Variants in LINGO2 observed in about 807,000 individuals in gnomAD.
The protein encoded by LINGO2 is leucine rich repeat and Ig domain containing 2, also known as leucine-rich repeat and immunoglobulin-like domain-containing nogo receptor-interacting protein 2.
A neutral mutation model predicts 30.6 loss-of-function variants in LINGO2; 14 were observed. The ratio of observed to expected loss-of-function variants is 0.46; its 90% CI spans 0.30 to 0.72. The LOEUF is 0.72. Among genes scored for constraint, LINGO2 ranks in the 30% least tolerant of loss-of-function variants. The probability of loss-of-function intolerance (pLI) is 0.07; values close to 1 mark genes in which losing one functional copy is unlikely to be tolerated. For missense variants in LINGO2, 729 were observed against 751.7 expected (o/e 0.97, Z 0.35); for synonymous variants, 317 against 288.5 (o/e 1.10, Z -1.00).
the LINGO2 span, among the ~76,000 whole-genome samples, chr9:29,149,730 G>A: frequency 6.6e-6 from 1 of 152,270 alleles, no homozygotes; most frequent in East Asian, 1.9e-4. Flanking sequence ...GACCTCTCCA[G>A]TGTACGTGGA....
intron 3 of LINGO2, among the ~76,000 whole-genome samples, chr9:28,307,176 C>G (rs1824401227): frequency 6.6e-6 from 1 of 152,052 alleles, no homozygotes; most frequent in Admixed American, 6.6e-5. Context: ...TGCAAAAATC[C>G]TCAATAAAAT....
chr9:28,134,491 A>C (rs944837158), intron 4 of LINGO2, among the ~76,000 whole-genome samples: 15 of 152,250 alleles, frequency 9.9e-5, no homozygotes, highest in African/African-American at 3.4e-4. Context: ...TAGTGCTACC[A>C]AGTGCCACTA....
At chr9:28,080,568 T>C (rs1195736202) in intron 4 of LINGO2, 2 of 152,198 alleles carry the variant, frequency 1.3e-5, no homozygotes, top group Non-Finnish European at 2.9e-5. Flanking sequence ...GCACATCCTA[T>C]TTGAATGACA....
chr9:28,567,835 AGCT>A lies in LINGO2; in HGVS notation c.-364-91813_-364-91811del, dbSNP rs377344004. On this transcript the variant is annotated intron_variant, in intron 1 of 5. Coordinates refer to ENST00000379992, the Ensembl canonical transcript of LINGO2. ...TAAATAAATAAATAAATTTATAAGG[AGCT>A]GTTAAATACTTCTAGATTCAAAGCA... Among the ~76,000 whole-genome samples the A allele has an allele frequency of 8.3e-4, 125 of 150,240 alleles. No homozygotes were observed. The East Asian group carries it at 0.014, about 17-fold the overall frequency.
At chr9:28,268,952 C>T (rs1364491803) in intron 4 of LINGO2, among the ~76,000 whole-genome samples, 1 of 152,048 alleles carries the variant, frequency 6.6e-6, no homozygotes, top group Non-Finnish European at 1.5e-5. Flanking sequence ...CTCATCTACT[C>T]ACTTTGGCAG....
At chr9:27,977,077 T>C (rs1404105223) in intron 5 of LINGO2, among the ~76,000 whole-genome samples, 2 of 151,744 alleles carry the variant, frequency 1.3e-5, no homozygotes, top group African/African-American at 2.4e-5. Context: ...CAACTGAACA[T>C]TCGTAAGATG....
chr9:28,582,123 T>G (rs1056245314), intron 1 of LINGO2, among the ~76,000 whole-genome samples: 7 of 152,008 alleles, frequency 4.6e-5, no homozygotes, highest in African/African-American at 1.7e-4. Flanking sequence ...GATAAATTAT[T>G]TTAAAATGGC....
chr9:28,211,184 T>C (rs1222006124), intron 4 of LINGO2, among the ~76,000 whole-genome samples: 1 of 151,594 alleles, frequency 6.6e-6, no homozygotes, highest in Non-Finnish European at 1.5e-5. Context: ...TATACACTAC[T>C]TGTGCTTTTG....
the LINGO2 span, among the ~76,000 whole-genome samples, chr9:29,044,647 T>C: frequency 6.6e-6 from 1 of 152,058 alleles, no homozygotes; most frequent in Non-Finnish European, 1.5e-5. Context: ...GGTTAGTCTT[T>C]ACTTTGTTGT....
intron 4 of LINGO2, among the ~76,000 whole-genome samples, chr9:28,034,280 G>A (rs1021893045): frequency 6.6e-6 from 1 of 152,206 alleles, no homozygotes; most frequent in Non-Finnish European, 1.5e-5. Flanking sequence ...GTGAAGGGCA[G>A]AAGAAAGCCG....
At chr9:28,054,064 CAA>C (rs11461978) in intron 4 of LINGO2, among the ~76,000 whole-genome samples, 2 of 149,194 alleles carry the variant, frequency 1.3e-5, no homozygotes, top group South Asian at 2.1e-4. Context: ...AGCTAGCAGA[CAA>C]AAAAAAAGAG....
At chr9:29,001,980 AG>A in the LINGO2 span, among the ~76,000 whole-genome samples, 10 of 151,972 alleles carry the variant, frequency 6.6e-5, no homozygotes, top group Non-Finnish European at 8.8e-5. Context: ...TTTTCCACAC[AG>A]GTATTAAAAT....
In LINGO2 at chr9:28,384,329, C is replaced by CTATATATATATATATATATATATA. The variant is rs3064858; in HGVS notation, c.-278-11462_-278-11461insTATATATATATATATATATATATA. 4.5e-3 allele frequency among the ~76,000 whole-genome samples: 555 copies of CTATATATATATATATATATATATA among 122,892 alleles called. 6 individuals are homozygous for CTATATATATATATATATATATATA. Among genetic ancestry groups the CTATATATATATATATATATATATA allele is most frequent in the Middle Eastern group, 0.013 (3 of 230 alleles). The allele number at this position is 122,892 out of a possible 152,430, so 80.6% of individuals were successfully genotyped here. A position where few individuals can be genotyped will look rare whatever the true frequency, so the allele number is the denominator to read the frequency against. ...ACTCCCTTCTTTTCCATGTTATGCA[C>CTATATATATATATATATATATATA]TATATATATATATATATATATGCCT... On this transcript the variant is annotated intron_variant, in intron 2 of 5. Transcript: ENST00000379992.
chr9:28,662,031 T>A (rs1053136289), intron 1 of LINGO2, among the ~76,000 whole-genome samples: 1 of 152,188 alleles, frequency 6.6e-6, no homozygotes, highest in Non-Finnish European at 1.5e-5. Flanking sequence ...GAATACTGAT[T>A]CTCCCACAGG....
chr9:28,283,738 A>G (rs998863625), intron 4 of LINGO2, among the ~76,000 whole-genome samples: 4 of 152,138 alleles, frequency 2.6e-5, no homozygotes, highest in African/African-American at 9.7e-5. Flanking sequence ...CAGAGTACAC[A>G]TACCTTTGTA....
intron 5 of LINGO2, among the ~76,000 whole-genome samples, chr9:28,002,723 A>G (rs1274592374): frequency 2.0e-5 from 3 of 152,110 alleles, no homozygotes; most frequent in African/African-American, 7.2e-5. Flanking sequence ...TCATCATAAC[A>G]TTGATGAGAA....
the LINGO2 span, among the ~76,000 whole-genome samples, chr9:28,696,248 T>C: frequency 6.6e-6 from 1 of 152,000 alleles, no homozygotes; most frequent in African/African-American, 2.4e-5. Context: ...TGCTGACTAC[T>C]TATTTCCCAT....
At chr9:28,343,841 A>G (rs1819460425) in intron 3 of LINGO2, among the ~76,000 whole-genome samples, 2 of 152,144 alleles carry the variant, frequency 1.3e-5, no homozygotes, top group African/African-American at 4.8e-5. Context: ...TAAACGCGAC[A>G]TTAAGTTTGG....
chr9:28,310,245 T>A (rs568829900), intron 3 of LINGO2, among the ~76,000 whole-genome samples: 231 of 152,302 alleles, frequency 1.5e-3, no homozygotes, highest in Non-Finnish European at 2.9e-3. Context: ...CAGTCGTTCC[T>A]AGAAACTTTT....
Sources: allele counts gnomAD v4.1 joint callset (sites outside exome capture counted in the v4.1 genomes callset), GRCh38; gene constraint gnomAD v4.1.1; transcripts MANE v1.5; gene names NCBI Gene and HGNC (gene_info 2026-07-23, HGNC 2026-07-21).